NOL4: variants seen among roughly 807,000 people sequenced by gnomAD.
The protein encoded by NOL4 is nucleolar protein 4.
NOL4 carries 17 observed loss-of-function variants against 75.9 expected under a neutral mutation model. The observed-to-expected ratio is 0.22, with a 90% CI of 0.15 to 0.34. The LOEUF (loss-of-function observed/expected upper bound fraction) is 0.34, where lower values mean the gene tolerates loss of function less well. Ranked by LOEUF, NOL4 falls within the 10% of genes least tolerant of loss-of-function variation. The pLI, the probability that NOL4 is intolerant of heterozygous loss-of-function variation, is 1.00. For missense variants in NOL4, 614 were observed against 793.5 expected (o/e 0.77, Z 2.72); for synonymous variants, 292 against 289.9 (o/e 1.01, Z -0.07).
intron 9 of NOL4, among the ~76,000 whole-genome samples, chr18:33,915,623 G>A (rs185282173): frequency 6.6e-6 from 1 of 152,154 alleles, no homozygotes; most frequent in Non-Finnish European, 1.5e-5. Flanking sequence ...AGTGGAGAAG[G>A]CGAGATATAT....
At chr18:33,978,916 G>A (rs2145956565) in intron 6 of NOL4, among the ~76,000 whole-genome samples, 1 of 152,076 alleles carries the variant, frequency 6.6e-6, no homozygotes, top group Non-Finnish European at 1.5e-5. Context: ...AAATAGGGAG[G>A]TTCAACTACA....
intron 1 of NOL4, among the ~76,000 whole-genome samples, chr18:34,135,650 A>G (rs556561323): frequency 1.5e-5 from 2 of 133,748 alleles, no homozygotes; most frequent in Non-Finnish European, 3.0e-5. Flanking sequence ...GTGAGCCAAG[A>G]TCACACCACT....
intron 6 of NOL4, among the ~76,000 whole-genome samples, chr18:33,979,940 G>C (rs116193195): frequency 6.6e-6 from 1 of 151,976 alleles, no homozygotes; most frequent in Non-Finnish European, 1.5e-5. Context: ...TGAATTACAA[G>C]TATTTAAATG....
chr18:34,063,733 C>G (rs2077155714), intron 5 of NOL4, among the ~76,000 whole-genome samples: 1 of 151,636 alleles, frequency 6.6e-6, no homozygotes, highest in Non-Finnish European at 1.5e-5. Context: ...TGATGTGAAA[C>G]AAAAATATAA....
chr18:34,045,793 T>C, intron 5 of NOL4, among the ~76,000 whole-genome samples: 1 of 152,290 alleles, frequency 6.6e-6, no homozygotes, highest in East Asian at 1.9e-4. Flanking sequence ...TGTATCATAG[T>C]ATTGAATCAA....
intron 5 of NOL4, among the ~76,000 whole-genome samples, chr18:34,032,983 C>T (rs1297783854): frequency 2.6e-5 from 4 of 152,182 alleles, no homozygotes; most frequent in Admixed American, 2.0e-4. Context: ...AAAGACTACA[C>T]TACCGCACAC....
chr18:34,180,982 T>C (rs1421773534), intron 1 of NOL4, among the ~76,000 whole-genome samples: 2 of 151,524 alleles, frequency 1.3e-5, no homozygotes, highest in African/African-American at 2.4e-5. Flanking sequence ...ATTTTTATGA[T>C]GGCAATACTC....
chr18:33,925,358 A>C (rs2067263391), intron 9 of NOL4, among the ~76,000 whole-genome samples: 1 of 152,164 alleles, frequency 6.6e-6, no homozygotes, highest in Admixed American at 6.5e-5. Flanking sequence ...GTAAAGACCT[A>C]TAGAAAGCAT....
intron 10 of NOL4, among the ~76,000 whole-genome samples, chr18:33,859,744 CCTAGT>C (rs749619850): frequency 2.0e-5 from 3 of 151,972 alleles, no homozygotes; most frequent in Non-Finnish European, 4.4e-5. Context: ...CATGGTGAAA[CCTAGT>C]CTTTACTAAA....
intron 2 of NOL4, among the ~76,000 whole-genome samples, chr18:34,128,681 G>A (rs570672989): frequency 1.3e-5 from 2 of 151,786 alleles, no homozygotes; most frequent in Non-Finnish European, 2.9e-5. Context: ...ATGCAATTTG[G>A]AAACAGCCAA....
chr18:33,953,589 A>G (rs1359553356), intron 8 of NOL4, among the ~76,000 whole-genome samples: 1 of 152,222 alleles, frequency 6.6e-6, no homozygotes, highest in Non-Finnish European at 1.5e-5. Flanking sequence ...CTCATTCTAC[A>G]TTTTTGAGCA....
intron 5 of NOL4, among the ~76,000 whole-genome samples, chr18:34,044,460 A>T (rs1261114263): frequency 4.6e-5 from 7 of 151,978 alleles, no homozygotes; most frequent in African/African-American, 1.7e-4. Context: ...TAAATTTTAG[A>T]ACTGTCAGAC....
At chr18:33,859,897 G>T (rs1239544750) in intron 10 of NOL4, among the ~76,000 whole-genome samples, 2 of 152,090 alleles carry the variant, frequency 1.3e-5, no homozygotes, top group African/African-American at 4.8e-5. Flanking sequence ...CAGCCTGGGG[G>T]ACAGAGTGAG....
chr18:34,111,010 A>G (rs932393818), intron 2 of NOL4, among the ~76,000 whole-genome samples: 4 of 152,176 alleles, frequency 2.6e-5, no homozygotes, highest in African/African-American at 9.6e-5. Context: ...TATAAAAAAG[A>G]AAGAATAATC....
At chr18:33,925,598 G>A (rs2067277914) in intron 9 of NOL4, among the ~76,000 whole-genome samples, 2 of 152,246 alleles carry the variant, frequency 1.3e-5, no homozygotes, top group East Asian at 1.9e-4. Flanking sequence ...TGCAACCAAC[G>A]TAGTATTCAA....
chr18:34,199,032 T>C (rs1345684991), intron 1 of NOL4, among the ~76,000 whole-genome samples: 1 of 151,876 alleles, frequency 6.6e-6, no homozygotes, highest in Non-Finnish European at 1.5e-5. Context: ...ATCTTCATGA[T>C]TGCATTGCTA....
chr18:33,914,967 AG>A (rs1312970442), intron 9 of NOL4, among the ~76,000 whole-genome samples: 3 of 152,098 alleles, frequency 2.0e-5, no homozygotes, highest in Non-Finnish European at 4.4e-5. Flanking sequence ...GTGGGACTAC[AG>A]GAGAAAAGAG....
In NOL4 at chr18:34,153,221, A is replaced by G. The variant is rs139678002; in HGVS notation, c.265-23201T>C. Among the ~76,000 whole-genome samples, 799 of 152,040 alleles carry G rather than the reference A, an allele frequency of 5.3e-3. 3 individuals are homozygous for G. Among genetic ancestry groups the G allele is most frequent in the Middle Eastern group, 0.01 (3 of 294 alleles). ...TTACTTGGTCATAAGGTATATTTAT[A>G]TTAACATTACACTATTTCCAATATT... On this transcript the variant is annotated intron_variant, in intron 1 of 10. Coordinates refer to ENST00000261592, the MANE Select transcript of NOL4 (RefSeq NM_003787.5).
chr18:33,922,053 C>T (rs1278370896), intron 9 of NOL4, among the ~76,000 whole-genome samples: 2 of 152,130 alleles, frequency 1.3e-5, no homozygotes, highest in East Asian at 1.9e-4. Flanking sequence ...GCTGCTGCAG[C>T]TATGTTGCTA....
Sources: allele counts gnomAD v4.1 joint callset (sites outside exome capture counted in the v4.1 genomes callset), GRCh38; gene constraint gnomAD v4.1.1; transcripts MANE v1.5; gene names NCBI Gene and HGNC (gene_info 2026-07-23, HGNC 2026-07-21).